The following VEPH1 variants were observed in gnomAD, a reference collection of about 807,000 sequenced individuals.
VEPH1 encodes ventricular zone expressed PH domain containing 1, also known as ventricular zone-expressed PH domain-containing protein homolog 1.
A neutral mutation model predicts 85.2 loss-of-function variants in VEPH1; 80 were observed. The ratio of observed to expected loss-of-function variants is 0.94; its 90% confidence interval spans 0.78 to 1.13. VEPH1 has a LOEUF of 1.13. Among genes scored for constraint, VEPH1 ranks in the 50% most tolerant of loss-of-function variants. The probability of loss-of-function intolerance (pLI) is 0.00; values close to 1 mark genes in which losing one functional copy is unlikely to be tolerated. For synonymous variants in VEPH1, 297 were observed against 348.0 expected (o/e 0.85, Z 1.63); for missense variants, 955 against 980.5 (o/e 0.97, Z 0.35).
At chr3:157,464,526 T>C (rs1736179521) in intron 3 of VEPH1, among the ~76,000 whole-genome samples, 1 of 152,170 alleles carries the variant, frequency 6.6e-6, no homozygotes, top group East Asian at 1.9e-4. Context: ...CATCTTACAG[T>C]TTGGTGCTGA....
At chr3:157,488,525 T>A (rs1446090263) in intron 2 of VEPH1, among the ~76,000 whole-genome samples, 2 of 145,234 alleles carry the variant, frequency 1.4e-5, no homozygotes, top group Non-Finnish European at 3.0e-5. Context: ...TTTTTTTTAC[T>A]GGATATTTCT....
intron 6 of VEPH1, among the ~76,000 whole-genome samples, chr3:157,413,267 T>C (rs920014065): frequency 4.6e-5 from 7 of 152,170 alleles, no homozygotes; most frequent in African/African-American, 1.7e-4. Flanking sequence ...CATCCTGTTG[T>C]CCCTACTGAA....
chr3:157,305,036 A>ATATCTATCTATCCATCTATCTATC (rs1719309798), intron 11 of VEPH1, among the ~76,000 whole-genome samples: 2 of 139,500 alleles, frequency 1.4e-5, no homozygotes, highest in African/African-American at 5.4e-5. Flanking sequence ...GTGTATTGTT[A>ATATCTATCTATCCATCTATCTATC]TATCTATCTA....
At chr3:157,331,262 G>A (rs372595436) in intron 9 of VEPH1, among the ~76,000 whole-genome samples, 8 of 152,270 alleles carry the variant, frequency 5.3e-5, no homozygotes, top group African/African-American at 9.6e-5. Flanking sequence ...TCTGGAGTTC[G>A]GCAATACAGA....
intron 1 of VEPH1, chr3:157,499,252 G>GTTTTTTTT (rs72395333): frequency 6.2e-5 from 8 of 128,430 alleles, no homozygotes; most frequent in African/African-American, 2.4e-4. Flanking sequence ...TCATTATTTA[G>GTTTTTTTT]TTTTTTTTTT....
intron 13 of VEPH1, among the ~76,000 whole-genome samples, chr3:157,263,037 G>A (rs561385326): frequency 7.9e-5 from 12 of 152,198 alleles, no homozygotes; most frequent in Non-Finnish European, 1.8e-4. Context: ...TAGCTAGTTT[G>A]TGGAGATCAA....
At chr3:157,461,325 C>T (rs1227821964) in intron 3 of VEPH1, among the ~76,000 whole-genome samples, 1 of 152,096 alleles carries the variant, frequency 6.6e-6, no homozygotes, top group Non-Finnish European at 1.5e-5. Context: ...ATATTCACTA[C>T]ACCTGGCCAT....
At chr3:157,364,068 A>G (rs1577451502) in intron 8 of VEPH1, among the ~76,000 whole-genome samples, 1 of 152,182 alleles carries the variant, frequency 6.6e-6, no homozygotes, top group African/African-American at 2.4e-5. Flanking sequence ...AAGAGACAGT[A>G]TTTTCCATAT....
chr3:157,343,271 A>G (rs773559066), intron 9 of VEPH1, among the ~76,000 whole-genome samples: 1 of 152,240 alleles, frequency 6.6e-6, no homozygotes, highest in African/African-American at 2.4e-5. Flanking sequence ...CAAAATTGAT[A>G]GACCACTAGC....
At position 157,406,566 on chromosome 3, in the gene VEPH1, C is replaced by T. The variant is rs370403364; in HGVS notation, c.906+7315G>A. Reference sequence around the variant, plus strand: ...GAGCCCAGAGAGGATGTAATGAACACGCCCTGGTGCTTGGCCAGCATATTC... The same window carrying T: ...GAGCCCAGAGAGGATGTAATGAACATGCCCTGGTGCTTGGCCAGCATATTC... On this transcript the variant is annotated intron_variant, in intron 6 of 13. Coordinates refer to ENST00000362010, the MANE Select transcript of VEPH1 (RefSeq NM_001167912.2). Among the ~76,000 whole-genome samples, 30 of 148,516 alleles carry T rather than the reference C, an allele frequency of 2.0e-4. No homozygotes were observed. The South Asian group carries it at 4.8e-3, about 24-fold the overall frequency.
chr3:157,438,057 A>G (rs1445310964), intron 4 of VEPH1: 2 of 744,652 alleles, frequency 2.7e-6, no homozygotes, highest in African/African-American at 1.9e-5. Flanking sequence ...ACACACACAC[A>G]CACACACACA....
chr3:157,446,996 T>A (rs1463476401), intron 4 of VEPH1, among the ~76,000 whole-genome samples: 1 of 152,106 alleles, frequency 6.6e-6, no homozygotes, highest in Admixed American at 6.5e-5. Context: ...GCAGATAATT[T>A]TCAAAAAAGT....
At chr3:157,494,132 C>T (rs1381547814) in intron 2 of VEPH1, among the ~76,000 whole-genome samples, 1 of 152,188 alleles carries the variant, frequency 6.6e-6, no homozygotes. Context: ...TCATTGGTCA[C>T]TGGGGGGAGT....
intron 4 of VEPH1, among the ~76,000 whole-genome samples, chr3:157,429,322 A>G (rs1732972293): frequency 6.6e-6 from 1 of 152,190 alleles, no homozygotes; most frequent in South Asian, 2.1e-4. Context: ...GGCTTTGTAT[A>G]TAGAAGCCAT....
intron 4 of VEPH1, among the ~76,000 whole-genome samples, chr3:157,440,730 C>A (rs1247831234): frequency 6.6e-6 from 1 of 151,842 alleles, no homozygotes. Flanking sequence ...CCTGTTCTTT[C>A]CCAGGGACAC....
intron 5 of VEPH1, among the ~76,000 whole-genome samples, chr3:157,421,356 C>T (rs999965744): frequency 1.3e-5 from 2 of 152,086 alleles, no homozygotes; most frequent in Non-Finnish European, 2.9e-5. Context: ...GAAGCATCCC[C>T]GCACATTGCC....
chr3:157,425,258 T>G (rs1390275496), intron 5 of VEPH1, among the ~76,000 whole-genome samples: 1 of 152,190 alleles, frequency 6.6e-6, no homozygotes, highest in African/African-American at 2.4e-5. Flanking sequence ...TCAGAGGCTG[T>G]ATGGAAATGC....
chr3:157,480,341 G>A (rs1737916829), intron 2 of VEPH1, among the ~76,000 whole-genome samples: 1 of 151,992 alleles, frequency 6.6e-6, no homozygotes, highest in Non-Finnish European at 1.5e-5. Flanking sequence ...TACATCAGCA[G>A]GTTTGTTACA....
chr3:157,268,504 A>T (rs1256783564), intron 12 of VEPH1, among the ~76,000 whole-genome samples: 1 of 152,216 alleles, frequency 6.6e-6, no homozygotes, highest in African/African-American at 2.4e-5. Flanking sequence ...CAGGTGAGAG[A>T]AAATGGTAAT....
Sources: allele counts gnomAD v4.1 joint callset (sites outside exome capture counted in the v4.1 genomes callset), GRCh38; gene constraint gnomAD v4.1.1; transcripts MANE v1.5; gene names NCBI Gene and HGNC (gene_info 2026-07-23, HGNC 2026-07-21).